Variants in SMIM27 observed in about 807,000 individuals in gnomAD.
SMIM27 encodes the protein TOPORS antisense RNA 1 (non-protein coding).
In SMIM27, 3 loss-of-function variants were observed where a neutral mutation model predicts 1.8. The observed-to-expected ratio is 1.65, with a 90% confidence interval of 0.75 to 4.28. SMIM27 has a LOEUF of 4.28. SMIM27 is among the 30% of genes most tolerant of loss of function. SMIM27 has a pLI of 0.02. For synonymous variants in SMIM27, 19 were observed against 13.9 expected (o/e 1.37, Z -0.82); for missense variants, 63 against 37.0 (o/e 1.70, Z -1.83).
In SMIM27 at chr9:32,563,170, A is replaced by T. The variant is rs973512240; in HGVS notation, c.46-3221A>T. Among the ~76,000 whole-genome samples the T allele has an allele frequency of 6.6e-5, 10 of 152,336 alleles. 2 individuals carry two copies. In the South Asian group the frequency reaches 2.1e-3, roughly 32 times the overall value. Reference sequence around the variant, plus strand: ...TTCTTATTGCAGCCTATCAAGTAACATAATTTCAGTTTGCCCCATTATCAA... The same window carrying T: ...TTCTTATTGCAGCCTATCAAGTAACTTAATTTCAGTTTGCCCCATTATCAA... On this transcript the variant is annotated intron_variant, in intron 1 of 1. Coordinates refer to the SMIM27 transcript ENST00000451672.
intron 1 of SMIM27, among the ~76,000 whole-genome samples, chr9:32,561,576 G>T (rs1385865264): frequency 2.6e-5 from 4 of 151,932 alleles, no homozygotes; most frequent in Non-Finnish European, 4.4e-5. Flanking sequence ...CAATCCACCC[G>T]CCTCAGCCTC....
chr9:32,558,972 T>A (rs1233854163), intron 1 of SMIM27: 2 of 1,552,628 alleles, frequency 1.3e-6, no homozygotes, highest in East Asian at 2.3e-5. Context: ...AAAAGTTAAC[T>A]CTGTGTTAAT....
chr9:32,561,798 CTTTA>C (rs1387163093), intron 1 of SMIM27, among the ~76,000 whole-genome samples: 1 of 152,268 alleles, frequency 6.6e-6, no homozygotes, highest in Non-Finnish European at 1.5e-5. Flanking sequence ...GTGTCTCTGG[CTTTA>C]TTTTTCTTCT....
exon 2 of SMIM27, chr9:32,566,732 T>C (rs1821802468): frequency 1.1e-6 from 1 of 919,440 alleles, no homozygotes; most frequent in Non-Finnish European, 1.8e-6. Flanking sequence ...ACTCCAAGCC[T>C]TCAAACCACA....
intron 1 of SMIM27, among the ~76,000 whole-genome samples, chr9:32,558,060 T>C (rs907762463): frequency 3.3e-5 from 5 of 152,098 alleles, no homozygotes; most frequent in Non-Finnish European, 7.4e-5. Context: ...AGTCACCTTT[T>C]AATGCTAAAA....
downstream of SMIM27, among the ~76,000 whole-genome samples, chr9:32,557,953 C>T (rs1821514160): frequency 6.6e-6 from 1 of 152,136 alleles, no homozygotes. Context: ...TATGATAGTT[C>T]ATTATCTGTG....
chr9:32,552,174 CAAA>C (rs35415231), upstream of SMIM27: 15,451 of 478,398 alleles, frequency 0.032, no homozygotes, highest in East Asian at 0.043. Context: ...CCTTAGTTGG[CAAA>C]AAAAAAAAAA....
downstream of SMIM27, among the ~76,000 whole-genome samples, chr9:32,557,803 C>G (rs1390502065): frequency 6.6e-6 from 1 of 152,134 alleles, no homozygotes; most frequent in South Asian, 2.1e-4. Flanking sequence ...CTTAAACCAG[C>G]GTTCCAACTG....
intron 1 of SMIM27, among the ~76,000 whole-genome samples, chr9:32,558,613 G>C (rs1821538953): frequency 6.6e-6 from 1 of 152,202 alleles, no homozygotes; most frequent in Admixed American, 6.5e-5. Context: ...ACAGGACACA[G>C]TGAAAAACTT....
chr9:32,552,962 C>A lies in SMIM27; in HGVS notation c.*39C>A. The A allele has an allele frequency of 1.5e-6, 1 of 681,504 alleles. No homozygotes were observed. The highest frequency in any genetic ancestry group is 2.2e-5 in the Admixed American group (1 of 45,258). 42.2% of individuals were successfully genotyped at this position (681,504 alleles called of 1,614,324 possible). On this transcript the variant is annotated 3_prime_UTR_variant, in exon 2 of 2. Transcript: ENST00000692500. Reference sequence around the variant, plus strand: ...AATTATCTGAAAATACAGTTCTTTCCCTCATGCTTATGTAGATATAAAAAT... The same window carrying A: ...AATTATCTGAAAATACAGTTCTTTCACTCATGCTTATGTAGATATAAAAAT...
upstream of SMIM27, chr9:32,551,636 A>T (rs950159531): frequency 3.7e-6 from 1 of 267,872 alleles, no homozygotes; most frequent in South Asian, 3.3e-5. Flanking sequence ...GCCCGTTGCC[A>T]GATTCTACTC....
chr9:32,559,787 CTT>C (rs1182819171), intron 1 of SMIM27, among the ~76,000 whole-genome samples: 2 of 152,156 alleles, frequency 1.3e-5, no homozygotes, highest in South Asian at 4.1e-4. Flanking sequence ...TAATATACCT[CTT>C]TGTTTATATA....
chr9:32,557,755 G>A (rs10971023), downstream of SMIM27, among the ~76,000 whole-genome samples: 79,344 of 151,932 alleles, frequency 0.52, 21,266 homozygotes, highest in Middle Eastern at 0.66. Context: ...GGGATTACAC[G>A]CGTGAGCCAC....
chr9:32,556,621 G>A (rs1325925937), downstream of SMIM27, among the ~76,000 whole-genome samples: 1 of 152,178 alleles, frequency 6.6e-6, no homozygotes, highest in African/African-American at 2.4e-5. Flanking sequence ...ACAGAAATAT[G>A]AGAAATGCTA....
At position 32,566,734 on chromosome 9, in the gene SMIM27, CA is replaced by C. The variant is rs1821802653; in HGVS notation, c.*284del. 8 of 921,360 alleles carry C rather than the reference CA, an allele frequency of 8.7e-6. No individual in the cohort carries two copies. In the South Asian group the frequency reaches 1.0e-4, roughly 12 times the overall value. The allele number at this position is 921,360 out of a possible 1,614,324, so 57.1% of individuals were successfully genotyped here. ...TTCCAAAATCGGGACTCCAAGCCTT[CA>C]AACCACAGCGGGTCCTCAGCCCGGG... On this transcript the variant is annotated 3_prime_UTR_variant, in exon 2 of 2. Coordinates refer to the SMIM27 transcript ENST00000451672.
intron 1 of SMIM27, among the ~76,000 whole-genome samples, chr9:32,559,748 T>C (rs1359601427): frequency 2.0e-5 from 3 of 152,212 alleles, no homozygotes; most frequent in Admixed American, 6.5e-5. Flanking sequence ...GCTTAATTTT[T>C]CTTCTATAGA....
chr9:32,562,321 A>C (rs1348723665), intron 1 of SMIM27, among the ~76,000 whole-genome samples: 4 of 152,214 alleles, frequency 2.6e-5, no homozygotes, highest in Non-Finnish European at 5.9e-5. Flanking sequence ...TTGTTAATCA[A>C]GGGGCTTAAT....
intron 1 of SMIM27, among the ~76,000 whole-genome samples, chr9:32,560,394 C>T (rs754478948): frequency 1.4e-4 from 22 of 152,120 alleles, no homozygotes; most frequent in Non-Finnish European, 2.4e-4. Flanking sequence ...AATGTCTTTT[C>T]GATCCCAGAA....
chr9:32,552,705 C>G (rs1821326284), intron 1 of SMIM27, 96 bp from the exon 2 acceptor site: 1 of 661,854 alleles, frequency 1.5e-6, no homozygotes, highest in Non-Finnish European at 2.7e-6. Flanking sequence ...GACTTTGTTA[C>G]TTTAATTCCC....
Sources: allele counts gnomAD v4.1 joint callset (sites outside exome capture counted in the v4.1 genomes callset), GRCh38; gene constraint gnomAD v4.1.1; transcripts MANE v1.5; gene names NCBI Gene and HGNC (gene_info 2026-07-23, HGNC 2026-07-21).